ARID1B: variants seen among roughly 807,000 people sequenced by gnomAD.
ARID1B encodes AT-rich interaction domain 1B.
ARID1B carries 30 observed loss-of-function variants against 212.3 expected under a neutral mutation model. That is an observed-to-expected ratio of 0.14 (90% confidence interval 0.11 to 0.19). ARID1B has a LOEUF of 0.19. Among genes scored for constraint, ARID1B ranks in the 10% least tolerant of loss-of-function variants. The pLI, the probability that ARID1B is intolerant of heterozygous loss-of-function variation, is 1.00. For missense variants in ARID1B, 2,891 were observed against 3,204.0 expected, an observed-to-expected ratio of 0.90 and a Z score of 2.36; for synonymous variants, 1,402 against 1,301.7, an observed-to-expected ratio of 1.08 and a Z score of -1.66.
At chr6:157,072,948 G>A (rs1014375954) in intron 4 of ARID1B, among the ~76,000 whole-genome samples, 5 of 152,168 alleles carry the variant, frequency 3.3e-5, no homozygotes, top group African/African-American at 4.8e-5. Flanking sequence ...TGTCTTTGGT[G>A]TGTAGTGTTT....
chr6:157,036,958 A>ATTT, intron 4 of ARID1B: 1 of 386,042 alleles, frequency 2.6e-6, no homozygotes, highest in Non-Finnish European at 5.1e-6. Context: ...GAGGGGACTT[A>ATTT]TTTTTTTTTT....
intron 19 of ARID1B, 161 bp downstream of exon 19, chr6:157,204,157 C>A: frequency 1.1e-6 from 1 of 895,170 alleles, no homozygotes; most frequent in Non-Finnish European, 1.7e-6. Flanking sequence ...GTAGAGTTAT[C>A]TGGGATAATA....
At chr6:157,117,565 C>A (rs991272648) in intron 6 of ARID1B, among the ~76,000 whole-genome samples, 3 of 152,176 alleles carry the variant, frequency 2.0e-5, no homozygotes, top group African/African-American at 7.2e-5. Flanking sequence ...TTCCCCAGGG[C>A]CTGCATGGCC....
At chr6:156,948,834 T>TA (rs1793365486) in intron 4 of ARID1B, among the ~76,000 whole-genome samples, 1 of 152,280 alleles carries the variant, frequency 6.6e-6, no homozygotes, top group African/African-American at 2.4e-5. Flanking sequence ...GGATACTGGT[T>TA]ACTGAAAATA....
intron 2 of ARID1B, among the ~76,000 whole-genome samples, chr6:156,840,114 C>G (rs1783790898): frequency 6.6e-6 from 1 of 152,164 alleles, no homozygotes. Context: ...TGTCTCAATA[C>G]CTGGTAGCTT....
At chr6:157,188,493 A>G (rs139450275) in intron 13 of ARID1B, among the ~76,000 whole-genome samples, 1,701 of 152,278 alleles carry the variant, frequency 0.011, 17 homozygotes, top group Admixed American at 0.023. Flanking sequence ...TTTCACCTCC[A>G]TTGCCACTAG....
chr6:157,163,010 G>A (rs543950897), intron 8 of ARID1B, among the ~76,000 whole-genome samples: 2 of 152,292 alleles, frequency 1.3e-5, no homozygotes, highest in South Asian at 4.1e-4. Context: ...GCTTTTCCGG[G>A]TACAGCTTAG....
intron 5 of ARID1B, among the ~76,000 whole-genome samples, chr6:157,102,462 T>C (rs1422446928): frequency 1.3e-5 from 2 of 152,196 alleles, no homozygotes; most frequent in Non-Finnish European, 2.9e-5. Context: ...GGAGAGAGCA[T>C]AAAGCAACTT....
intron 3 of ARID1B, among the ~76,000 whole-genome samples, chr6:156,902,388 G>A (rs534435667): frequency 6.6e-6 from 1 of 152,266 alleles, no homozygotes; most frequent in East Asian, 1.9e-4. Context: ...AACACATGTA[G>A]CATCGACTTT....
intron 2 of ARID1B, among the ~76,000 whole-genome samples, chr6:156,894,592 C>G (rs1788236738): frequency 6.6e-6 from 1 of 152,148 alleles, no homozygotes; most frequent in African/African-American, 2.4e-5. Flanking sequence ...GGGGAGTTTT[C>G]ACCACACTTG....
chr6:157,053,630 C>T (rs1782746988), intron 4 of ARID1B, among the ~76,000 whole-genome samples: 1 of 152,108 alleles, frequency 6.6e-6, no homozygotes, highest in Non-Finnish European at 1.5e-5. Flanking sequence ...GAAATGATTC[C>T]CTCTTTAAGG....
intron 16 of ARID1B, among the ~76,000 whole-genome samples, chr6:157,197,464 T>C (rs192338746): frequency 6.6e-6 from 1 of 152,330 alleles, no homozygotes; most frequent in East Asian, 1.9e-4. Context: ...CTTTACCAAA[T>C]GAGGTTTCTT....
At chr6:156,842,437 C>T (rs1393201378) in intron 2 of ARID1B, among the ~76,000 whole-genome samples, 2 of 152,094 alleles carry the variant, frequency 1.3e-5, no homozygotes, top group Non-Finnish European at 2.9e-5. Flanking sequence ...TGGCACGTTC[C>T]AGCACTTCAT....
chr6:157,154,104 C>T (rs1790388408), intron 8 of ARID1B, among the ~76,000 whole-genome samples: 1 of 152,182 alleles, frequency 6.6e-6, no homozygotes, highest in African/African-American at 2.4e-5. Flanking sequence ...CTTCAAAATA[C>T]AACTGATTGT....
intron 4 of ARID1B, among the ~76,000 whole-genome samples, chr6:157,033,100 T>A (rs755111731): frequency 1.3e-5 from 2 of 152,200 alleles, no homozygotes; most frequent in Non-Finnish European, 2.9e-5. Flanking sequence ...TCAGTGGAAT[T>A]GTTGGGGTTA....
At chr6:157,183,566 C>T (rs773366984) in intron 12 of ARID1B, among the ~76,000 whole-genome samples, 9 of 152,182 alleles carry the variant, frequency 5.9e-5, no homozygotes, top group South Asian at 4.1e-4. Flanking sequence ...CGGATCTTGA[C>T]GTCACATTTC....
intron 4 of ARID1B, among the ~76,000 whole-genome samples, chr6:156,982,995 T>A (rs1777696643): frequency 6.6e-6 from 1 of 151,622 alleles, no homozygotes; most frequent in South Asian, 2.1e-4. Flanking sequence ...CTCTGGAGGC[T>A]GAGGCAGGAG....
In ARID1B at chr6:156,826,951, G is replaced by C. The variant is rs552746022; in HGVS notation, c.1792-2276G>C. Reference sequence around the variant, plus strand: ...GGTGATATTCTCTAGGATTCTGTTCGCTACCCATTGTTTTCCTTTCATATA... The same window carrying C: ...GGTGATATTCTCTAGGATTCTGTTCCCTACCCATTGTTTTCCTTTCATATA... On this transcript the variant is annotated intron_variant, in intron 1 of 19. Coordinates refer to ENST00000636930, the MANE Select transcript of ARID1B (RefSeq NM_001374828.1). 2.6e-5 allele frequency among the ~76,000 whole-genome samples: 4 copies of C among 152,096 alleles called. No homozygotes were observed. In the South Asian group the frequency reaches 8.3e-4, roughly 32 times the overall value.
chr6:157,068,308 T>C (rs1379279060), intron 4 of ARID1B, among the ~76,000 whole-genome samples: 1 of 152,248 alleles, frequency 6.6e-6, no homozygotes, highest in East Asian at 1.9e-4. Flanking sequence ...ACAGGTCAGG[T>C]AGGCACATTA....
Sources: allele counts gnomAD v4.1 joint callset (sites outside exome capture counted in the v4.1 genomes callset), GRCh38; gene constraint gnomAD v4.1.1; transcripts MANE v1.5; gene names NCBI Gene and HGNC (gene_info 2026-07-23, HGNC 2026-07-21).